The following CHL1 variants were observed in gnomAD, a reference collection of about 807,000 sequenced individuals.
The protein encoded by CHL1 is neural cell adhesion molecule L1-like protein.
A neutral mutation model predicts 141.9 loss-of-function variants in CHL1; 96 were observed. That is an observed-to-expected ratio of 0.68 (90% CI 0.57 to 0.80). CHL1 has a LOEUF of 0.80. Ranked by LOEUF, CHL1 falls within the 30% of genes least tolerant of loss-of-function variation. CHL1 has a pLI of 0.00. For synonymous variants in CHL1, 613 were observed against 502.2 expected (o/e 1.22, Z -2.95); for missense variants, 1,820 against 1,457.2 (o/e 1.25, Z -4.05).
chr3:392,790 T>C (rs183224990), intron 23 of CHL1, among the ~76,000 whole-genome samples: 4 of 152,348 alleles, frequency 2.6e-5, no homozygotes, highest in African/African-American at 7.2e-5. Flanking sequence ...TTAGCACGTA[T>C]GTTTAAATAC....
rs1703583577 is a variant in CHL1, at chr3:354,902, A to T, written c.1165+131A>T. On this transcript the variant is annotated intron_variant, in intron 11 of 27. Transcript: ENST00000256509. ...AGGACAGATACAACCAGCAAATCAG[A>T]GATTGTTTATTTCTAAGCAATTTGG... is the stretch of plus-strand genomic sequence containing the variant. The T allele has an allele frequency of 5.2e-6, 6 of 1,150,388 alleles. No homozygotes were observed. The Admixed American group carries it at 1.6e-4, about 30-fold the overall frequency. 71.3% of individuals were successfully genotyped at this position (1,150,388 alleles called of 1,614,324 possible). A position where few individuals can be genotyped will look rare whatever the true frequency, so the allele number is the denominator to read the frequency against.
chr3:364,614 G>A (rs1246137171), intron 14 of CHL1, among the ~76,000 whole-genome samples: 1 of 151,986 alleles, frequency 6.6e-6, no homozygotes, highest in Non-Finnish European at 1.5e-5. Context: ...TATACGAATC[G>A]TATCAATGGA....
intron 2 of CHL1, among the ~76,000 whole-genome samples, chr3:293,514 T>A (rs331896): frequency 0.57 from 86,343 of 151,706 alleles, 27,148 homozygotes; most frequent in African/African-American, 0.85. Flanking sequence ...AAAAAAATTT[T>A]AAAAAAACCC....
intron 1 of CHL1, among the ~76,000 whole-genome samples, chr3:242,470 C>G (rs1349470463): frequency 6.6e-6 from 1 of 150,682 alleles, no homozygotes; most frequent in Non-Finnish European, 1.5e-5. Context: ...GTGGTGGGCG[C>G]CTGTAGTCCC....
At chr3:336,997 T>C (rs1701916229) in intron 5 of CHL1, among the ~76,000 whole-genome samples, 1 of 152,066 alleles carries the variant, frequency 6.6e-6, no homozygotes, top group South Asian at 2.1e-4. Flanking sequence ...ACCCTTGGTG[T>C]TAGTTGTTGC....
intron 3 of CHL1, 24 bp from the exon 4 acceptor site, chr3:325,935 T>A: frequency 1.3e-6 from 2 of 1,530,772 alleles, no homozygotes; most frequent in Non-Finnish European, 9.0e-7. Flanking sequence ...TAGTGTGTTT[T>A]TAAGTACATA....
intron 19 of CHL1, chr3:385,605 A>C (rs148886748): frequency 1.3e-5 from 2 of 152,386 alleles, no homozygotes; most frequent in Non-Finnish European, 2.9e-5. Context: ...CAAGGCGGGC[A>C]GATCACAAGA....
rs1708183806 is a variant in CHL1, at chr3:391,031, G to A, written c.2663G>A (p.Gly888Glu). ...GAAGTGAACATTCTAAGATTTTCAG[G>A]ACAAAGAAACTCTGGAATGGTTCCT... ...PKEVNILRFSGQRNSGMVPSL... is the reference protein window; with the variant it reads ...PKEVNILRFSEQRNSGMVPSL... The change falls in exon 22 of 28, where the codon GGA becomes GAA. Residue 888 changes from glycine (G) to glutamate (E), a missense_variant. Physicochemically the swap from Gly to Glu is moderately conservative, Grantham distance 98. Transcript: ENST00000256509. 6.2e-7 allele frequency: 1 copy of A among 1,614,010 alleles called. No homozygotes were observed. Among genetic ancestry groups the A allele is most frequent in the Non-Finnish European group, 8.5e-7 (1 of 1,179,834 alleles).
chr3:248,613 C>A (rs1051439623), intron 2 of CHL1: 1 of 152,046 alleles, frequency 6.6e-6, no homozygotes. Context: ...TTTCCTCTGT[C>A]CCTCTGTTTT....
intron 27 of CHL1, among the ~76,000 whole-genome samples, chr3:404,462 A>T (rs1004541610): frequency 3.8e-4 from 58 of 152,278 alleles, no homozygotes; most frequent in Non-Finnish European, 1.0e-4. Context: ...ATTGGTACTT[A>T]AAAAAATCTT....
chr3:385,317 C>G (rs1707552664), intron 19 of CHL1, among the ~76,000 whole-genome samples: 1 of 152,032 alleles, frequency 6.6e-6, no homozygotes, highest in South Asian at 2.1e-4. Context: ...GGGCTGTGGT[C>G]CATGATGGTG....
At chr3:243,214 A>C (rs1333288135) in intron 1 of CHL1, among the ~76,000 whole-genome samples, 6 of 152,184 alleles carry the variant, frequency 3.9e-5, no homozygotes. Flanking sequence ...ACATTGCATT[A>C]TTTCTTTTCC....
intron 5 of CHL1, among the ~76,000 whole-genome samples, chr3:331,526 G>A (rs1701437205): frequency 6.6e-6 from 1 of 152,078 alleles, no homozygotes; most frequent in South Asian, 2.1e-4. Flanking sequence ...ACAGGCATGA[G>A]CCACCATGCC....
chr3:278,847 A>C (rs774339116), intron 2 of CHL1, among the ~76,000 whole-genome samples: 3 of 152,220 alleles, frequency 2.0e-5, no homozygotes, highest in Non-Finnish European at 2.9e-5. Context: ...AACTCTGTCA[A>C]ACTTAGACAT....
chr3:395,950 C>T (rs183088930), intron 24 of CHL1, among the ~76,000 whole-genome samples: 4 of 152,080 alleles, frequency 2.6e-5, no homozygotes, highest in Admixed American at 2.0e-4. Flanking sequence ...TGTAAATCAC[C>T]GTGTTTGTGT....
intron 1 of CHL1, chr3:213,312 G>A (rs1032530682): frequency 6.6e-6 from 1 of 152,154 alleles, no homozygotes; most frequent in African/African-American, 2.4e-5. Flanking sequence ...GACTGTTCAA[G>A]GAGATGCAGC....
At chr3:350,160 A>T (rs1296832537) in intron 10 of CHL1, among the ~76,000 whole-genome samples, 1 of 152,224 alleles carries the variant, frequency 6.6e-6, no homozygotes, top group South Asian at 2.1e-4. Context: ...GTGCAAAAAC[A>T]TTATATTCAA....
In CHL1 at chr3:319,686, C is replaced by T; in HGVS notation, c.-91C>T. The T allele has an allele frequency of 2.9e-6, 2 of 699,336 alleles. No individual in the cohort carries two copies. Among genetic ancestry groups the T allele is most frequent in the South Asian group, 1.7e-5 (1 of 57,902 alleles). 43.3% of individuals were successfully genotyped at this position (699,336 alleles called of 1,614,324 possible). A position where few individuals can be genotyped will look rare whatever the true frequency, so the allele number is the denominator to read the frequency against. On this transcript the variant is annotated 5_prime_UTR_variant, in exon 3 of 28. Coordinates refer to ENST00000256509, the MANE Select transcript of CHL1 (RefSeq NM_006614.4). ...GTTATTCTGTTTGTGTTTTTAGTTT[C>T]CAGGTTAACTAAGGTCTCAGCTGTA...
intron 5 of CHL1, among the ~76,000 whole-genome samples, chr3:337,692 G>C (rs926686902): frequency 6.6e-6 from 1 of 152,106 alleles, no homozygotes; most frequent in Non-Finnish European, 1.5e-5. Context: ...CAAAGGACAT[G>C]AACTCATCAT....
Sources: allele counts gnomAD v4.1 joint callset (sites outside exome capture counted in the v4.1 genomes callset), GRCh38; gene constraint gnomAD v4.1.1; transcripts MANE v1.5; gene names NCBI Gene and HGNC (gene_info 2026-07-23, HGNC 2026-07-21).